PTPN14: variants seen among roughly 807,000 people sequenced by gnomAD.
PTPN14 encodes tyrosine-protein phosphatase non-receptor type 14.
A neutral mutation model predicts 126.8 loss-of-function variants in PTPN14; 53 were observed. That is an observed-to-expected ratio of 0.42 (90% CI 0.34 to 0.53). PTPN14 has a LOEUF of 0.53. Ranked by LOEUF, PTPN14 falls within the 20% of genes least tolerant of loss-of-function variation. The pLI is 0.08. For synonymous variants in PTPN14, 630 were observed against 599.3 expected (o/e 1.05, Z -0.75); for missense variants, 1,257 against 1,552.9 (o/e 0.81, Z 3.20).
chr1:214,401,240 G>C (rs1448463967), intron 7 of PTPN14, among the ~76,000 whole-genome samples: 1 of 152,158 alleles, frequency 6.6e-6, no homozygotes, highest in Non-Finnish European at 1.5e-5. Context: ...TATAAAGCTG[G>C]AGAAATAAAG....
rs1252722378 is a variant in PTPN14 at position 214,357,893 on chromosome 1, T to G, written c.*29A>C. 1 of 1,603,822 alleles carries G rather than the reference T, an allele frequency of 6.2e-7. No individual in the cohort carries two copies. The highest frequency in any genetic ancestry group is 1.1e-5 in the South Asian group (1 of 90,572). ...TCTCCTCCAGCGCGATGGAGCTGGG[T>G]CCCTCCTCCAGGAGCTGGATTGGGG... On this transcript the variant is annotated 3_prime_UTR_variant, in exon 19 of 19. Coordinates refer to ENST00000366956, the MANE Select transcript of PTPN14 (RefSeq NM_005401.5).
At chr1:214,426,828 T>C (rs1434012116) in intron 3 of PTPN14, among the ~76,000 whole-genome samples, 1 of 152,106 alleles carries the variant, frequency 6.6e-6, no homozygotes, top group Non-Finnish European at 1.5e-5. Context: ...AAGATGCCAG[T>C]GTGGGGCAGT....
chr1:214,531,138 A>G (rs1414312778), intron 1 of PTPN14: 2 of 152,202 alleles, frequency 1.3e-5, no homozygotes, highest in Non-Finnish European at 2.9e-5. Flanking sequence ...AAATCTATTC[A>G]AGTTCACATT....
At chr1:214,462,166 G>A (rs765233472) in intron 2 of PTPN14, among the ~76,000 whole-genome samples, 10 of 152,110 alleles carry the variant, frequency 6.6e-5, no homozygotes, top group East Asian at 1.9e-4. Context: ...CCATTAGGAC[G>A]TGTCAAAATA....
intron 17 of PTPN14, among the ~76,000 whole-genome samples, chr1:214,368,029 T>A (rs539073206): frequency 6.6e-6 from 1 of 152,208 alleles, no homozygotes; most frequent in Non-Finnish European, 1.5e-5. Context: ...GAATTAGCCA[T>A]TGAGCAAATT....
chr1:214,437,791 AT>A (rs1659953033), intron 3 of PTPN14, among the ~76,000 whole-genome samples: 1 of 152,126 alleles, frequency 6.6e-6, no homozygotes, highest in Non-Finnish European at 1.5e-5. Flanking sequence ...GTTCCCCAAA[AT>A]CCCCCCTGAG....
intron 15 of PTPN14, among the ~76,000 whole-genome samples, chr1:214,374,877 T>C (rs1004043175): frequency 6.6e-6 from 1 of 152,182 alleles, no homozygotes; most frequent in Non-Finnish European, 1.5e-5. Flanking sequence ...GAAGATAATA[T>C]AATATTTCTA....
At chr1:214,519,726 C>T (rs1379122243) in intron 1 of PTPN14, among the ~76,000 whole-genome samples, 1 of 151,952 alleles carries the variant, frequency 6.6e-6, no homozygotes, top group Non-Finnish European at 1.5e-5. Context: ...AGTTTTAACC[C>T]TCCCGCCCCA....
intron 1 of PTPN14, among the ~76,000 whole-genome samples, chr1:214,481,511 C>CAAAAAAAAA (rs371949252): frequency 8.9e-5 from 6 of 67,430 alleles, no homozygotes; most frequent in Admixed American, 2.2e-4. Context: ...AACTCCCGCT[C>CAAAAAAAAA]AAAAAAAAAA....
At chr1:214,517,395 TA>T (rs34292768) in intron 1 of PTPN14, among the ~76,000 whole-genome samples, 15,530 of 151,606 alleles carry the variant, frequency 0.1, 985 homozygotes, top group East Asian at 0.24. Context: ...CCACCAAGGT[TA>T]AGATTAACTC....
At chr1:214,503,782 GTGTT>G in intron 1 of PTPN14, among the ~76,000 whole-genome samples, 1 of 152,336 alleles carries the variant, frequency 6.6e-6, no homozygotes, top group South Asian at 2.1e-4. Context: ...TGCATATAAA[GTGTT>G]TGTATGCGTT....
intron 5 of PTPN14, among the ~76,000 whole-genome samples, chr1:214,406,421 C>T (rs1259581816): frequency 6.7e-6 from 1 of 149,380 alleles, no homozygotes; most frequent in Non-Finnish European, 1.5e-5. Flanking sequence ...GCGGAGGTTG[C>T]AGTGAGCTGA....
At chr1:214,482,824 G>A (rs1661024010) in intron 1 of PTPN14, 12 of 1,607,998 alleles carry the variant, frequency 7.5e-6, no homozygotes, top group East Asian at 2.2e-5. Context: ...AAAGAGGACA[G>A]GTTTGGCACT....
chr1:214,444,535 T>C (rs573424510), intron 3 of PTPN14, among the ~76,000 whole-genome samples: 10 of 152,226 alleles, frequency 6.6e-5, no homozygotes, highest in African/African-American at 2.4e-4. Context: ...TAAAAGGAAA[T>C]GGAAATACTA....
At chr1:214,386,310 A>G (rs1010750675) in intron 12 of PTPN14, among the ~76,000 whole-genome samples, 1 of 152,216 alleles carries the variant, frequency 6.6e-6, no homozygotes, top group Non-Finnish European at 1.5e-5. Context: ...CACATTTTGC[A>G]TGGGAGATGT....
chr1:214,424,465 G>A (rs1218866821), intron 3 of PTPN14, among the ~76,000 whole-genome samples: 1 of 151,972 alleles, frequency 6.6e-6, no homozygotes, highest in Non-Finnish European at 1.5e-5. Context: ...AGATCCTGCT[G>A]GATGACTTTA....
intron 2 of PTPN14, among the ~76,000 whole-genome samples, chr1:214,456,707 G>A (rs1355151759): frequency 6.6e-6 from 1 of 152,136 alleles, no homozygotes; most frequent in African/African-American, 2.4e-5. Flanking sequence ...AGATGAAGAC[G>A]TACAAGTTAA....
At position 214,447,761 on chromosome 1, in the gene PTPN14, C is replaced by G. The variant is rs575656248; in HGVS notation, c.344+4044G>C. ...AATCCAACTCCTAACTTTCAACATT[C>G]TTTGCCATAAAGAGTTGGTTAGACC... On this transcript the variant is annotated intron_variant, in intron 3 of 18. Coordinates refer to ENST00000366956, the MANE Select transcript of PTPN14 (RefSeq NM_005401.5). Among the ~76,000 whole-genome samples, 338 of 152,318 alleles carry G rather than the reference C, an allele frequency of 2.2e-3. 1 individual carries two copies. The highest frequency in any genetic ancestry group is 7.8e-3 in the African/African-American group (326 of 41,570).
Position 214,384,677 on chromosome 1 carries a change from C to T in PTPN14, c.1178G>A (p.Ser393Asn). 1.9e-6 allele frequency: 3 copies of T among 1,614,118 alleles called. No individual in the cohort carries two copies. The highest frequency in any genetic ancestry group is 2.5e-6 in the Non-Finnish European group (3 of 1,180,034). ...VTNGSVCSVH[S>N]VNSLNCSQSF... ...TTGCGAGCAGTTGAGGGAGTTGACG[C>T]TGTGAACGCTACACACGCTGCCATT... Residue 393 changes from serine to asparagine, a missense_variant, in exon 13 of 19, where the codon AGC (serine) becomes AAC (asparagine). By Grantham distance (46) the Ser-to-Asn change is conservative (BLOSUM62 1). Coordinates refer to ENST00000366956, the MANE Select transcript of PTPN14 (RefSeq NM_005401.5). The surrounding 1 kb of genome is among the most constrained non-coding windows in gnomAD (Gnocchi z 5.3).
Sources: gnomAD v4.1 joint callset for allele counts (sites outside exome capture counted in the v4.1 genomes callset) on GRCh38, gnomAD v4.1.1 for gene constraint, Gnocchi (gnomAD v3.1) non-coding constraint, MANE v1.5 for transcripts, NCBI Gene and HGNC (gene_info 2026-07-23, HGNC 2026-07-21) for gene names.